ZC3H8: variants seen among roughly 807,000 people sequenced by gnomAD.
The protein encoded by ZC3H8 is zinc finger CCCH-type containing 8, also known as zinc finger CCCH domain-containing protein 8.
In ZC3H8, 27 loss-of-function variants were observed where a neutral mutation model predicts 42.5. The observed-to-expected ratio is 0.64, with a 90% CI of 0.47 to 0.88. The LOEUF is 0.88. Among genes scored for constraint, ZC3H8 ranks in the 40% least tolerant of loss-of-function variants. ZC3H8 has a pLI of 0.00. For missense variants in ZC3H8, 277 were observed against 336.1 expected (o/e 0.82, Z 1.37); for synonymous variants, 101 against 110.1 (o/e 0.92, Z 0.52).
chr2:112,247,326 G>A (rs900836282), intron 2 of ZC3H8, among the ~76,000 whole-genome samples: 1 of 152,160 alleles, frequency 6.6e-6, no homozygotes, highest in Non-Finnish European at 1.5e-5. Context: ...TGTAATCCCA[G>A]CAGTTTGGGA....
chr2:112,226,066 A>G (rs971382416), intron 8 of ZC3H8, among the ~76,000 whole-genome samples: 2 of 152,076 alleles, frequency 1.3e-5, no homozygotes, highest in Non-Finnish European at 2.9e-5. Context: ...TAGGCAACAG[A>G]GCAAGACTTC....
Position 112,234,204 on chromosome 2 carries a change from C to T in ZC3H8, c.537G>A (p.Leu179=). ...TATGTTGGTTGATGAATGCCTGACT[C>T]AAATGCTGCTGCTTCTCTTTAGGTT... The part of the protein sequence containing the change: ...DGKPKEKQQH[L]SQAFINQHTV... Residue 179 remains leucine (L), a synonymous_variant, in exon 5 of 9, where the codon TTG becomes TTA. Coordinates refer to ENST00000409573, the MANE Select transcript of ZC3H8 (RefSeq NM_032494.3). The T allele has an allele frequency of 6.2e-7, 1 of 1,609,048 alleles. No individual in the cohort carries two copies. The highest frequency in any genetic ancestry group is 1.1e-5 in the South Asian group (1 of 89,310).
chr2:112,226,217 C>A (rs1684820766), intron 8 of ZC3H8, among the ~76,000 whole-genome samples: 1 of 151,480 alleles, frequency 6.6e-6, no homozygotes, highest in Admixed American at 6.6e-5. Context: ...ATTACCAAAG[C>A]TGTTTTTTTT....
At position 112,215,950 on chromosome 2, in the gene ZC3H8, TTAA is replaced by T. The variant is rs1210757304; in HGVS notation, c.*531_*533del. The T allele has an allele frequency of 5.3e-5, 8 of 152,300 alleles. No individual in the cohort carries two copies. In the East Asian group the frequency reaches 1.5e-3, roughly 29 times the overall value. 9.4% of individuals were successfully genotyped at this position (152,300 alleles called of 1,614,324 possible). On this transcript the variant is annotated 3_prime_UTR_variant, in exon 9 of 9. Transcript: ENST00000409573. ...AAATGTCTAACAATAGGAAACTGGT[TTAA>T]AAAAATCATAGAACCATAATTTATT...
At chr2:112,226,713 G>C (rs1223498573) in intron 8 of ZC3H8, among the ~76,000 whole-genome samples, 2 of 151,752 alleles carry the variant, frequency 1.3e-5, no homozygotes, top group Non-Finnish European at 2.9e-5. Context: ...ACTCATTCTA[G>C]GAGGCCAGTA....
At chr2:112,246,230 G>A (rs1211253259) in intron 2 of ZC3H8, among the ~76,000 whole-genome samples, 1 of 152,208 alleles carries the variant, frequency 6.6e-6, no homozygotes, top group Non-Finnish European at 1.5e-5. Context: ...CAAGAGCTCT[G>A]ATGGAGATGA....
intron 4 of ZC3H8, 84 bp from the exon 5 acceptor site, chr2:112,234,320 A>C (rs1425349356): frequency 1.9e-6 from 2 of 1,072,290 alleles, no homozygotes; most frequent in African/African-American, 3.3e-5. Context: ...ATTTAAACCA[A>C]CTTCAGAGCC....
intron 2 of ZC3H8, among the ~76,000 whole-genome samples, chr2:112,248,647 T>C (rs1685842236): frequency 6.6e-6 from 1 of 152,156 alleles, no homozygotes; most frequent in Non-Finnish European, 1.5e-5. Context: ...CCTGCCACCA[T>C]GCTTGGCTAA....
chr2:112,244,493 G>T (rs1033709332), intron 2 of ZC3H8, among the ~76,000 whole-genome samples: 1 of 152,128 alleles, frequency 6.6e-6, no homozygotes, highest in South Asian at 2.1e-4. Flanking sequence ...TAAGATGTGA[G>T]ATATCTACAA....
In ZC3H8 at chr2:112,255,035, G is replaced by C. The variant is rs1167153374; in HGVS notation, c.-54C>G. On this transcript the variant is annotated 5_prime_UTR_variant, in exon 1 of 9. Coordinates refer to ENST00000409573, the MANE Select transcript of ZC3H8 (RefSeq NM_032494.3). ...CCGGGAAGCTACAGAGTAACAACCCGAGAGAGTGACAACCCGGACGCGACG... is the reference window on the plus strand; with the variant it reads ...CCGGGAAGCTACAGAGTAACAACCCCAGAGAGTGACAACCCGGACGCGACG... 1 of 1,540,498 alleles carries C rather than the reference G, an allele frequency of 6.5e-7. No homozygotes were observed. The highest frequency in any genetic ancestry group is 1.4e-5 in the African/African-American group (1 of 73,018).
intron 8 of ZC3H8, among the ~76,000 whole-genome samples, chr2:112,223,797 C>T (rs1056732767): frequency 1.1e-4 from 16 of 152,054 alleles, no homozygotes; most frequent in African/African-American, 3.6e-4. Context: ...AATGTAACTA[C>T]GAAACTGCAG....
At position 112,233,282 on chromosome 2, in the gene ZC3H8, A is replaced by C; in HGVS notation, c.711T>G (p.Gly237=). 6.3e-7 allele frequency: 1 copy of C among 1,588,870 alleles called. No homozygotes were observed. Among genetic ancestry groups the C allele is most frequent in the Non-Finnish European group, 8.6e-7 (1 of 1,166,146 alleles). The change falls in exon 6 of 9, where the codon GGT becomes GGG. Residue 237 remains glycine (G), a synonymous_variant. Coordinates refer to ENST00000409573, the MANE Select transcript of ZC3H8 (RefSeq NM_032494.3). ...KFYVQGYCTR[G]ENCLYLHNEY... is the part of the protein sequence containing the mutation. ...TATTATGCAAATACAGACAGTTTTC[A>C]CCTCTGGTACAATATCCTTGTACAT...
chr2:112,222,348 C>G (rs1422704479), intron 8 of ZC3H8, among the ~76,000 whole-genome samples: 1 of 152,106 alleles, frequency 6.6e-6, no homozygotes, highest in Non-Finnish European at 1.5e-5. Flanking sequence ...GGGTTGGAAG[C>G]TCTAGCAGGT....
chr2:112,217,732 T>A (rs533986427), intron 8 of ZC3H8, among the ~76,000 whole-genome samples: 1 of 152,358 alleles, frequency 6.6e-6, no homozygotes, highest in East Asian at 1.9e-4. Flanking sequence ...TCTAAAATTA[T>A]AATTTTTGCT....
chr2:112,253,202 AC>A (rs1479608983), intron 1 of ZC3H8, among the ~76,000 whole-genome samples: 2 of 151,716 alleles, frequency 1.3e-5, no homozygotes, highest in South Asian at 2.1e-4. Flanking sequence ...TTTTCCCCTT[AC>A]CCTTCATTCA....
chr2:112,231,514 C>T (rs1425289688), intron 7 of ZC3H8, among the ~76,000 whole-genome samples: 4 of 152,140 alleles, frequency 2.6e-5, no homozygotes, highest in African/African-American at 9.7e-5. Flanking sequence ...AACTTTCCTT[C>T]CAAGAATCTT....
At chr2:112,225,703 C>G (rs1390883597) in intron 8 of ZC3H8, among the ~76,000 whole-genome samples, 1 of 151,916 alleles carries the variant, frequency 6.6e-6, no homozygotes, top group East Asian at 1.9e-4. Context: ...TGTAGTCCCA[C>G]CTACTCAGGA....
In ZC3H8 at chr2:112,236,853, C is replaced by A. The variant is rs1339940850; in HGVS notation, c.371-158G>T. 5.3e-5 allele frequency among the ~76,000 whole-genome samples: 8 copies of A among 152,058 alleles called. No homozygotes were observed. In the East Asian group the frequency reaches 1.5e-3, roughly 29 times the overall value. ...CTCAAAGCTAGGAGTTCAAGGCCAG[C>A]CTAAGTGTTCAAGGCCAGCCTAGGC... On this transcript the variant is annotated intron_variant, in intron 3 of 8. Coordinates refer to ENST00000409573, the MANE Select transcript of ZC3H8 (RefSeq NM_032494.3).
intron 8 of ZC3H8, among the ~76,000 whole-genome samples, chr2:112,223,340 T>C (rs1156655619): frequency 6.6e-6 from 1 of 152,104 alleles, no homozygotes; most frequent in Non-Finnish European, 1.5e-5. Context: ...ATGTATTAAT[T>C]TAGATGTAAT....
Sources: gnomAD v4.1 joint callset for allele counts (sites outside exome capture counted in the v4.1 genomes callset) on GRCh38, gnomAD v4.1.1 for gene constraint, MANE v1.5 for transcripts, NCBI Gene and HGNC (gene_info 2026-07-23, HGNC 2026-07-21) for gene names.